SACM1L: variants seen among roughly 807,000 people sequenced by gnomAD.
SACM1L encodes phosphatidylinositol-3-phosphatase SAC1.
SACM1L carries 32 observed loss-of-function variants against 89.5 expected under a neutral mutation model. The observed-to-expected ratio is 0.36, with a 90% CI of 0.27 to 0.48. The LOEUF is 0.48. Among genes scored for constraint, SACM1L ranks in the 20% least tolerant of loss-of-function variants. The pLI is 0.99. For missense variants in SACM1L, 543 were observed against 708.5 expected (o/e 0.77, Z 2.65); for synonymous variants, 213 against 232.8 (o/e 0.92, Z 0.77).
At chr3:45,741,705 CA>C (rs1404499458) in intron 19 of SACM1L, among the ~76,000 whole-genome samples, 5 of 152,060 alleles carry the variant, frequency 3.3e-5, no homozygotes, top group African/African-American at 9.7e-5. Context: ...AAGAAAGAGC[CA>C]TCTTATTATT....
intron 11 of SACM1L, among the ~76,000 whole-genome samples, chr3:45,724,954 C>T (rs1698883939): frequency 6.6e-6 from 1 of 152,096 alleles, no homozygotes; most frequent in Non-Finnish European, 1.5e-5. Flanking sequence ...TGTTCTTTTC[C>T]TTTGAATGGT....
intron 2 of SACM1L, among the ~76,000 whole-genome samples, 198 bp downstream of exon 2, chr3:45,703,733 G>A (rs1698326690): frequency 6.6e-6 from 1 of 152,012 alleles, no homozygotes; most frequent in Non-Finnish European, 1.5e-5. Flanking sequence ...AAGGAGAAAT[G>A]ATCTTGAAAA....
chr3:45,708,090 T>TAAG (rs1329722183), intron 4 of SACM1L, among the ~76,000 whole-genome samples: 1 of 152,134 alleles, frequency 6.6e-6, no homozygotes. Flanking sequence ...GTTTTTAATG[T>TAAG]TTTGACAAAA....
chr3:45,706,631 G>A, intron 3 of SACM1L, 149 bp from the exon 4 acceptor site: 1 of 488,320 alleles, frequency 2.0e-6, no homozygotes, highest in Non-Finnish European at 3.5e-6. Context: ...TTCATAAATT[G>A]TAAGGTTGCT....
intron 1 of SACM1L, 100 bp from the exon 2 acceptor site, chr3:45,703,338 A>G: frequency 1.3e-6 from 1 of 768,758 alleles, no homozygotes; most frequent in Non-Finnish European, 2.2e-6. Context: ...AAGCTGGGAA[A>G]ATGATGTCAA....
chr3:45,719,670 CT>C, intron 8 of SACM1L, 69 bp downstream of exon 8: 2 of 846,626 alleles, frequency 2.4e-6, no homozygotes, highest in Admixed American at 2.7e-5. Context: ...CGAATGTAAC[CT>C]TTTGTATTTT....
intron 14 of SACM1L, among the ~76,000 whole-genome samples, chr3:45,735,807 C>G (rs190233902): frequency 7.9e-5 from 12 of 152,318 alleles, no homozygotes; most frequent in African/African-American, 2.9e-4. Flanking sequence ...TACACTGACA[C>G]CAATAATGAA....
At chr3:45,739,488 A>T (rs80065472) in intron 18 of SACM1L, 99 bp from the exon 19 acceptor site, 1 of 1,004,648 alleles carries the variant, frequency 1.0e-6, no homozygotes, top group Admixed American at 1.7e-5. Context: ...TAGCTGACAG[A>T]TGAGTTTTAT....
chr3:45,723,081 G>C (rs1217621618), intron 10 of SACM1L, 126 bp downstream of exon 10: 1 of 816,704 alleles, frequency 1.2e-6, no homozygotes, highest in East Asian at 2.8e-5. Context: ...TATTCTTCTT[G>C]GTTCCGGCAC....
intron 1 of SACM1L, among the ~76,000 whole-genome samples, chr3:45,693,688 G>T (rs995636695): frequency 6.6e-6 from 1 of 152,114 alleles, no homozygotes; most frequent in African/African-American, 2.4e-5. Context: ...TCTCTTACCA[G>T]ATTGCTCTCG....
At chr3:45,692,736 T>A (rs1235906370) in intron 1 of SACM1L, among the ~76,000 whole-genome samples, 7 of 152,240 alleles carry the variant, frequency 4.6e-5, no homozygotes, top group African/African-American at 1.7e-4. Context: ...TGAAAAATTA[T>A]TGTAACAGGG....
intron 1 of SACM1L, among the ~76,000 whole-genome samples, chr3:45,702,162 A>G (rs529827080): frequency 6.6e-6 from 1 of 152,298 alleles, no homozygotes. Flanking sequence ...GAACCATAGA[A>G]GGTTGTAAGT....
At chr3:45,713,238 A>G (rs1454323388) in intron 6 of SACM1L, 42 bp downstream of exon 6, 3 of 1,487,310 alleles carry the variant, frequency 2.0e-6, no homozygotes, top group Middle Eastern at 1.7e-4. Context: ...GTTACAGTCC[A>G]AGCTTTAATT....
intron 1 of SACM1L, among the ~76,000 whole-genome samples, chr3:45,700,394 A>G (rs927644463): frequency 2.0e-5 from 3 of 152,234 alleles, no homozygotes; most frequent in Admixed American, 6.5e-5. Context: ...CTCTGTGGTC[A>G]AAACTGTGTC....
chr3:45,697,259 T>G (rs1205595158), intron 1 of SACM1L, among the ~76,000 whole-genome samples: 1 of 148,064 alleles, frequency 6.8e-6, no homozygotes, highest in Non-Finnish European at 1.5e-5. Flanking sequence ...TTTGTTTTTC[T>G]TTTCTTTTCC....
intron 5 of SACM1L, among the ~76,000 whole-genome samples, chr3:45,711,032 C>T (rs1698515400): frequency 6.6e-6 from 1 of 152,150 alleles, no homozygotes; most frequent in Non-Finnish European, 1.5e-5. Context: ...AGCCTACAGT[C>T]TGCTGGGGAA....
chr3:45,702,326 T>C (rs183374414), intron 1 of SACM1L, among the ~76,000 whole-genome samples: 2 of 152,230 alleles, frequency 1.3e-5, no homozygotes, highest in Admixed American at 6.5e-5. Context: ...GTTGTGTGGG[T>C]TTGAATGAGA....
intron 6 of SACM1L, 51 bp from the exon 7 acceptor site, chr3:45,713,995 G>A (rs1698582580): frequency 4.1e-6 from 4 of 966,630 alleles, no homozygotes; most frequent in African/African-American, 1.7e-5. Context: ...TTTATATAAT[G>A]CTTATTTATT....
At chr3:45,737,400 T>C (rs923663514) in intron 14 of SACM1L, 183 bp from the exon 15 acceptor site, 2 of 625,720 alleles carry the variant, frequency 3.2e-6, no homozygotes, top group African/African-American at 3.7e-5. Flanking sequence ...GGAGAGGCTT[T>C]GCAGTCTGCC....
Sources: allele counts gnomAD v4.1 joint callset (sites outside exome capture counted in the v4.1 genomes callset), GRCh38; gene constraint gnomAD v4.1.1; transcripts MANE v1.5; gene names NCBI Gene and HGNC (gene_info 2026-07-23, HGNC 2026-07-21).